The following MARCHF1 variants were observed in gnomAD, a reference collection of about 807,000 sequenced individuals.
The protein encoded by MARCHF1 is membrane associated ring-CH-type finger 1.
Under a neutral mutation model 54.2 loss-of-function variants are expected in MARCHF1, and 40 were observed. The observed-to-expected ratio is 0.74, with a 90% CI of 0.57 to 0.96. The LOEUF (loss-of-function observed/expected upper bound fraction) is 0.96. Ranked by LOEUF, MARCHF1 falls within the 40% of genes least tolerant of loss-of-function variation. The pLI is 0.00. For missense variants in MARCHF1, 586 were observed against 656.5 expected (o/e 0.89, Z 1.17); for synonymous variants, 236 against 236.3 (o/e 1.00, Z 0.01).
intron 3 of MARCHF1, among the ~76,000 whole-genome samples, chr4:163,884,460 C>A (rs988819753): frequency 3.3e-5 from 5 of 152,006 alleles, no homozygotes; most frequent in African/African-American, 1.2e-4. Flanking sequence ...AAAGTGTCCC[C>A]AGCCTCTCTT....
In MARCHF1 at chr4:163,526,136, T is replaced by A. The variant is rs1738096513; in HGVS notation, c.*2612A>T. 6.6e-6 allele frequency: 1 copy of A among 152,138 alleles called. No individual in the cohort carries two copies. Among genetic ancestry groups the A allele is most frequent in the African/African-American group, 2.4e-5 (1 of 41,452 alleles). 9.4% of individuals were successfully genotyped at this position (152,138 alleles called of 1,614,324 possible). On this transcript the variant is annotated 3_prime_UTR_variant, in exon 10 of 10. Coordinates refer to ENST00000514618, the MANE Select transcript of MARCHF1 (RefSeq NM_001394959.1). ...AAAGTTAATTGCAAGAATTTAGGTATAGTTTTAAAATCCCATGTCCTCTTT... is the reference window on the plus strand; with the variant it reads ...AAAGTTAATTGCAAGAATTTAGGTAAAGTTTTAAAATCCCATGTCCTCTTT...
intron 1 of MARCHF1, among the ~76,000 whole-genome samples, chr4:164,329,366 G>A (rs1433731062): frequency 6.6e-6 from 1 of 151,554 alleles, no homozygotes; most frequent in Non-Finnish European, 1.5e-5. Flanking sequence ...ACCAGCATGT[G>A]ATTTAAAAAT....
At chr4:163,546,176 A>G (rs1399798450) in intron 8 of MARCHF1, among the ~76,000 whole-genome samples, 1 of 152,020 alleles carries the variant, frequency 6.6e-6, no homozygotes, top group African/African-American at 2.4e-5. Context: ...GGGTCTCACC[A>G]TGTTGCCTAG....
At chr4:163,895,652 G>A (rs929667922) in intron 3 of MARCHF1, among the ~76,000 whole-genome samples, 73 of 152,160 alleles carry the variant, frequency 4.8e-4, no homozygotes, top group African/African-American at 1.2e-4. Flanking sequence ...CAAACTTAGC[G>A]AGGTCTGTTT....
At chr4:163,943,473 T>C (rs1373881031) in intron 3 of MARCHF1, among the ~76,000 whole-genome samples, 1 of 152,166 alleles carries the variant, frequency 6.6e-6, no homozygotes, top group Non-Finnish European at 1.5e-5. Context: ...TTGTTAGCTT[T>C]GTTGAAGGTC....
At chr4:163,720,753 A>G (rs1745424972) in intron 4 of MARCHF1, among the ~76,000 whole-genome samples, 1 of 152,126 alleles carries the variant, frequency 6.6e-6, no homozygotes, top group South Asian at 2.1e-4. Context: ...CATCCCTTGT[A>G]AGTTGGATTC....
At chr4:163,745,936 C>G (rs1026780535) in intron 4 of MARCHF1, among the ~76,000 whole-genome samples, 1 of 152,118 alleles carries the variant, frequency 6.6e-6, no homozygotes, top group Admixed American at 6.5e-5. Context: ...CTTACTGCCA[C>G]AAGTGCATAG....
intron 1 of MARCHF1, among the ~76,000 whole-genome samples, chr4:164,264,912 C>T (rs1733566755): frequency 6.8e-6 from 1 of 146,178 alleles, no homozygotes; most frequent in African/African-American, 2.6e-5. Flanking sequence ...AAGAGCAAGA[C>T]TCTGTCGAAA....
At chr4:163,533,666 A>AGTC (rs1229196027) in intron 9 of MARCHF1, among the ~76,000 whole-genome samples, 2 of 131,662 alleles carry the variant, frequency 1.5e-5, no homozygotes, top group Non-Finnish European at 3.2e-5. Flanking sequence ...CTCCAAAAAT[A>AGTC]GTCTTTTATA....
intron 3 of MARCHF1, among the ~76,000 whole-genome samples, chr4:163,976,051 C>A (rs930853996): frequency 6.6e-6 from 1 of 152,070 alleles, no homozygotes; most frequent in African/African-American, 2.4e-5. Context: ...AACAGTGGAA[C>A]CAAGAATGTC....
chr4:163,783,515 G>C (rs10009600), intron 4 of MARCHF1, among the ~76,000 whole-genome samples: 45,503 of 152,108 alleles, frequency 0.3, 8,246 homozygotes, highest in Non-Finnish European at 0.42. Flanking sequence ...GTACCTCACT[G>C]TCCTTATCCT....
At chr4:163,950,463 AGCCTGCAGCAGGGGGCGGCGGTT>A (rs1242683610) in intron 3 of MARCHF1, among the ~76,000 whole-genome samples, 1 of 152,152 alleles carries the variant, frequency 6.6e-6, no homozygotes, top group Non-Finnish European at 1.5e-5. Context: ...GGCACTTCTG[AGCCTGCAGCAGGGGGCGGCGGTT>A]GCTTCCCGGT....
intron 4 of MARCHF1, among the ~76,000 whole-genome samples, chr4:163,843,526 G>A (rs1259391633): frequency 1.3e-5 from 2 of 148,728 alleles, no homozygotes; most frequent in Non-Finnish European, 3.0e-5. Context: ...GCCAACACCT[G>A]TTTTTTTTTT....
At chr4:163,845,842 T>C (rs961424380) in intron 4 of MARCHF1, among the ~76,000 whole-genome samples, 4 of 152,188 alleles carry the variant, frequency 2.6e-5, no homozygotes, top group African/African-American at 7.2e-5. Context: ...TTAAAGTTAA[T>C]ACGATACTTT....
chr4:163,870,734 A>G (rs1174520972), intron 3 of MARCHF1, among the ~76,000 whole-genome samples: 2 of 152,154 alleles, frequency 1.3e-5, no homozygotes, highest in Non-Finnish European at 2.9e-5. Context: ...ATAAGCCAGC[A>G]CGGAAAGACA....
At chr4:164,099,243 G>T (rs974798840) in intron 2 of MARCHF1, among the ~76,000 whole-genome samples, 1 of 152,148 alleles carries the variant, frequency 6.6e-6, no homozygotes, top group African/African-American at 2.4e-5. Context: ...TCAGCAGATT[G>T]ATATTTATGT....
At chr4:164,075,029 T>C (rs934515389) in intron 2 of MARCHF1, among the ~76,000 whole-genome samples, 2 of 152,150 alleles carry the variant, frequency 1.3e-5, no homozygotes, top group Non-Finnish European at 1.5e-5. Context: ...TTTGATGACA[T>C]CTGCCTTAAA....
intron 8 of MARCHF1, among the ~76,000 whole-genome samples, chr4:163,561,723 T>C (rs1739474504): frequency 6.6e-6 from 1 of 152,130 alleles, no homozygotes; most frequent in South Asian, 2.1e-4. Context: ...ATGGATATAA[T>C]TGTTTGTGTA....
chr4:163,870,350 CTTG>C lies in MARCHF1; in HGVS notation c.-38-16184_-38-16182del, dbSNP rs869053180. ...AAACTGACCCCATTTTTCCATTACT[CTTG>C]TTTTTGTCCAAATACATTTAAGATA... On this transcript the variant is annotated intron_variant, in intron 3 of 9. Transcript: ENST00000514618. Among the ~76,000 whole-genome samples, 8 of 151,978 alleles carry C rather than the reference CTTG, an allele frequency of 5.3e-5. No individual in the cohort carries two copies. In the East Asian group the frequency reaches 1.5e-3, roughly 29 times the overall value.
Sources: allele counts gnomAD v4.1 joint callset (sites outside exome capture counted in the v4.1 genomes callset), GRCh38; gene constraint gnomAD v4.1.1; transcripts MANE v1.5; gene names NCBI Gene and HGNC (gene_info 2026-07-23, HGNC 2026-07-21).